SDCCAG8: variants seen among roughly 807,000 people sequenced by gnomAD.
The protein encoded by SDCCAG8 is serologically defined colon cancer antigen 8.
SDCCAG8 carries 74 observed loss-of-function variants against 101.8 expected under a neutral mutation model. That is an observed-to-expected ratio of 0.73 (90% CI 0.60 to 0.88). SDCCAG8 has a LOEUF of 0.88. Ranked by LOEUF, SDCCAG8 falls within the 40% of genes least tolerant of loss-of-function variation. SDCCAG8 has a pLI of 0.00. For synonymous variants in SDCCAG8, 281 were observed against 292.9 expected (o/e 0.96, Z 0.41); for missense variants, 787 against 822.6 (o/e 0.96, Z 0.53).
chr1:243,324,902 C>T (rs1463542027), intron 9 of SDCCAG8, among the ~76,000 whole-genome samples: 1 of 152,172 alleles, frequency 6.6e-6, no homozygotes, highest in East Asian at 1.9e-4. Context: ...TGGCCATTTT[C>T]ATTGATTTGC....
rs77086762 is a variant in SDCCAG8 at position 243,464,220 on chromosome 1, G to C, written c.1986-24794G>C. ...GAATGTTGTTCACTTAGGTTTTCCA[G>C]TTACACGAATTGTTTTCGGGGAGCT... is the stretch of plus-strand genomic sequence containing the variant. On this transcript the variant is annotated intron_variant, in intron 16 of 17. Coordinates refer to ENST00000366541, the MANE Select transcript of SDCCAG8 (RefSeq NM_006642.5). 8.7e-4 allele frequency among the ~76,000 whole-genome samples: 133 copies of C among 152,300 alleles called. 2 individuals are homozygous for C. The East Asian group carries it at 0.021, about 24-fold the overall frequency.
intron 16 of SDCCAG8, among the ~76,000 whole-genome samples, chr1:243,439,992 A>G (rs1040187300): frequency 6.6e-6 from 1 of 152,210 alleles, no homozygotes; most frequent in Non-Finnish European, 1.5e-5. Context: ...GAGCTTTTAA[A>G]AAGACTTTTT....
intron 1 of SDCCAG8, among the ~76,000 whole-genome samples, chr1:243,262,412 G>C (rs903727836): frequency 2.6e-5 from 4 of 152,030 alleles, no homozygotes; most frequent in Non-Finnish European, 5.9e-5. Flanking sequence ...GGCCTCATGT[G>C]GCTCTTCTTA....
intron 12 of SDCCAG8, among the ~76,000 whole-genome samples, chr1:243,346,911 G>C (rs562176253): frequency 1.3e-5 from 2 of 151,944 alleles, no homozygotes; most frequent in Non-Finnish European, 2.9e-5. Context: ...CATGTATGAG[G>C]GTATAGGGAA....
chr1:243,423,688 C>T (rs2081160128), intron 15 of SDCCAG8, among the ~76,000 whole-genome samples: 1 of 152,024 alleles, frequency 6.6e-6, no homozygotes, highest in South Asian at 2.1e-4. Context: ...ACACTAACTT[C>T]TAATAACTGT....
chr1:243,352,407 T>C (rs2076129633), intron 12 of SDCCAG8, among the ~76,000 whole-genome samples: 1 of 152,206 alleles, frequency 6.6e-6, no homozygotes, highest in African/African-American at 2.4e-5. Context: ...TTTTGGTTCT[T>C]TGAACATTTT....
intron 17 of SDCCAG8, among the ~76,000 whole-genome samples, chr1:243,496,030 T>C (rs1263800751): frequency 6.6e-6 from 1 of 152,186 alleles, no homozygotes; most frequent in East Asian, 1.9e-4. Context: ...AGCTTCCCTT[T>C]AAAAGGAAGT....
In SDCCAG8 at chr1:243,356,446, G is replaced by A. The variant is rs2076389915; in HGVS notation, c.1473+12115G>A. Among the ~76,000 whole-genome samples the A allele has an allele frequency of 2.0e-5, 3 of 150,522 alleles. No individual in the cohort carries two copies. In the South Asian group the frequency reaches 6.3e-4, roughly 32 times the overall value. On this transcript the variant is annotated intron_variant, in intron 12 of 17. Transcript: ENST00000366541. ...GGGGGGGTGGTGGGGGAAGTGGGAA[G>A]AGAAAATGGGAAAGACTTTAGAGGA...
rs113914411 is a variant in SDCCAG8 at position 243,384,590 on chromosome 1, CCACA to C, written c.1616+5749_1616+5752del. Among the ~76,000 whole-genome samples, 116 of 149,458 alleles carry C rather than the reference CCACA, an allele frequency of 7.8e-4. No individual in the cohort carries two copies. In the South Asian group the frequency reaches 9.7e-3, roughly 12 times the overall value. ...TCACTTACATGTACGTGTTTAAAAA[CCACA>C]CACACACACACACACACACACTCAC... On this transcript the variant is annotated intron_variant, in intron 13 of 17. Transcript: ENST00000366541.
At chr1:243,490,793 C>T (rs1390236513) in intron 17 of SDCCAG8, among the ~76,000 whole-genome samples, 1 of 152,202 alleles carries the variant, frequency 6.6e-6, no homozygotes, top group African/African-American at 2.4e-5. Flanking sequence ...GGACCAGTGC[C>T]ACTCCCCTCC....
chr1:243,478,584 C>A (rs1175203784), intron 16 of SDCCAG8, among the ~76,000 whole-genome samples: 1 of 152,166 alleles, frequency 6.6e-6, no homozygotes, highest in East Asian at 1.9e-4. Flanking sequence ...ACCCCCTCCC[C>A]ACTGCACGAT....
At chr1:243,389,159 C>T (rs1171556476) in intron 13 of SDCCAG8, among the ~76,000 whole-genome samples, 1 of 142,572 alleles carries the variant, frequency 7.0e-6, no homozygotes, top group Non-Finnish European at 1.5e-5. Flanking sequence ...CTCCCCCCCC[C>T]AAAAAAAAAA....
At chr1:243,439,663 C>CACACACACAT (rs1248671459) in intron 16 of SDCCAG8, among the ~76,000 whole-genome samples, 1 of 151,386 alleles carries the variant, frequency 6.6e-6, no homozygotes, top group African/African-American at 2.4e-5. Context: ...CACACACACA[C>CACACACACAT]ACATCATTGG....
chr1:243,330,508 A>G (rs2074508386), intron 9 of SDCCAG8, 32 bp from the exon 10 acceptor site: 1 of 1,613,590 alleles, frequency 6.2e-7, no homozygotes, highest in Non-Finnish European at 8.5e-7. Context: ...CCAAATTCTA[A>G]CCTCCTCTTT....
At chr1:243,396,202 G>T (rs1252461267) in intron 13 of SDCCAG8, among the ~76,000 whole-genome samples, 1 of 152,130 alleles carries the variant, frequency 6.6e-6, no homozygotes, top group Non-Finnish European at 1.5e-5. Flanking sequence ...TATGAAGGGA[G>T]AGTAAATACT....
intron 1 of SDCCAG8, among the ~76,000 whole-genome samples, chr1:243,258,135 G>A (rs950648858): frequency 6.6e-6 from 1 of 151,902 alleles, no homozygotes; most frequent in Non-Finnish European, 1.5e-5. Context: ...AACAATATAA[G>A]GTAGTGGAAA....
chr1:243,351,402 T>C (rs544460239), intron 12 of SDCCAG8, among the ~76,000 whole-genome samples: 28 of 152,330 alleles, frequency 1.8e-4, no homozygotes, highest in African/African-American at 6.7e-4. Flanking sequence ...TATATTCTAG[T>C]TGAGGAGTCA....
At chr1:243,466,455 A>C (rs1009164575) in intron 16 of SDCCAG8, among the ~76,000 whole-genome samples, 1 of 152,290 alleles carries the variant, frequency 6.6e-6, no homozygotes, top group African/African-American at 2.4e-5. Flanking sequence ...TTTAAGTTCA[A>C]ATCCTGTCTC....
At chr1:243,421,756 T>C (rs537326173) in intron 15 of SDCCAG8, among the ~76,000 whole-genome samples, 2 of 152,326 alleles carry the variant, frequency 1.3e-5, no homozygotes, top group Admixed American at 6.5e-5. Context: ...TGATTTTAGT[T>C]GAAGCTCACA....
Sources: allele counts gnomAD v4.1 joint callset (sites outside exome capture counted in the v4.1 genomes callset), GRCh38; gene constraint gnomAD v4.1.1; transcripts MANE v1.5; gene names NCBI Gene and HGNC (gene_info 2026-07-23, HGNC 2026-07-21).